The following ERICH1 variants were observed in gnomAD, a reference collection of about 807,000 sequenced individuals.
The protein encoded by ERICH1 is glutamate rich 1.
A neutral mutation model predicts 39.6 loss-of-function variants in ERICH1; 56 were observed. The ratio of observed to expected loss-of-function variants is 1.41; its 90% CI spans 1.14 to 1.77. The LOEUF (loss-of-function observed/expected upper bound fraction) is 1.77. ERICH1 is among the 40% of genes most tolerant of loss of function. ERICH1 has a pLI of 0.00. For synonymous variants in ERICH1, 313 were observed against 223.6 expected (o/e 1.40, Z -3.57); for missense variants, 826 against 575.4 (o/e 1.44, Z -4.45).
chr8:698,341 C>G (rs530389472), intron 2 of ERICH1, among the ~76,000 whole-genome samples: 1 of 151,932 alleles, frequency 6.6e-6, no homozygotes, highest in African/African-American at 2.4e-5. Flanking sequence ...TCCTCAGTCT[C>G]CCGAGTACCT....
chr8:688,387 G>A (rs1351697122), intron 3 of ERICH1, among the ~76,000 whole-genome samples: 1 of 74,000 alleles, frequency 1.4e-5, no homozygotes. Context: ...CCCTCCGCAG[G>A]CTCCAGAGGC....
chr8:650,319 T>C (rs1703913), intron 3 of ERICH1, among the ~76,000 whole-genome samples: 1,674 of 152,316 alleles, frequency 0.011, 27 homozygotes, highest in African/African-American at 0.036. Flanking sequence ...GTTCCAACTT[T>C]AGTGACACGG....
At chr8:617,704 G>C (rs1797011785) in intron 3 of ERICH1, among the ~76,000 whole-genome samples, 1 of 151,312 alleles carries the variant, frequency 6.6e-6, no homozygotes, top group Non-Finnish European at 1.5e-5. Context: ...TCAGTACTTG[G>C]TGCTTGGTCC....
chr8:678,407 A>G (rs1420678772), intron 3 of ERICH1, among the ~76,000 whole-genome samples: 1 of 152,258 alleles, frequency 6.6e-6, no homozygotes, highest in East Asian at 1.9e-4. Flanking sequence ...ATTCCTGAGA[A>G]AAGTACAATT....
At chr8:689,135 G>A (rs939193844) in intron 3 of ERICH1, among the ~76,000 whole-genome samples, 2 of 151,742 alleles carry the variant, frequency 1.3e-5, no homozygotes, top group African/African-American at 2.4e-5. Flanking sequence ...TTTTTGAGGC[G>A]AATTCTCGCT....
intron 1 of ERICH1, among the ~76,000 whole-genome samples, chr8:729,304 C>G (rs1348779770): frequency 4.6e-5 from 7 of 152,192 alleles, no homozygotes; most frequent in Non-Finnish European, 8.8e-5. Flanking sequence ...AGCGCCCAAC[C>G]CCCACCTGCA....
Position 664,289 on chromosome 8 carries a change from A to G in ERICH1, c.*314T>C. On this transcript the variant is annotated 3_prime_UTR_variant, in exon 6 of 6. Coordinates refer to ENST00000262109, the MANE Select transcript of ERICH1 (RefSeq NM_207332.3). ...GTGATTCAAAACTTCATAAAAATAT[A>G]TGAGCTTCAAACTATACATTTAACT... 7 of 1,028,366 alleles carry G rather than the reference A, an allele frequency of 6.8e-6. No individual in the cohort carries two copies. The highest frequency in any genetic ancestry group is 8.2e-6 in the Non-Finnish European group (7 of 858,538). 63.7% of individuals were successfully genotyped at this position (1,028,366 alleles called of 1,614,324 possible).
intron 2 of ERICH1, among the ~76,000 whole-genome samples, chr8:707,208 CTTTTTTTTT>C (rs71528615): frequency 7.3e-6 from 1 of 136,422 alleles, no homozygotes; most frequent in East Asian, 2.1e-4. Context: ...TTTTTTGTTT[CTTTTTTTTT>C]TTTTTTTTTA....
intron 2 of ERICH1, among the ~76,000 whole-genome samples, chr8:709,959 A>G (rs1298507388): frequency 6.6e-6 from 1 of 152,214 alleles, no homozygotes; most frequent in African/African-American, 2.4e-5. Context: ...TCGACCTTAA[A>G]AATACAATTT....
intron 3 of ERICH1, among the ~76,000 whole-genome samples, chr8:635,476 C>T (rs1044739724): frequency 2.0e-5 from 3 of 152,250 alleles, no homozygotes; most frequent in African/African-American, 4.8e-5. Context: ...CCTGCACCAA[C>T]GCCCCACCCA....
chr8:668,653 A>G lies in ERICH1; in HGVS notation c.1203T>C (p.Thr401=), dbSNP rs1209132226. 4 of 1,614,098 alleles carry G rather than the reference A, an allele frequency of 2.5e-6. No homozygotes were observed. In the African/African-American group the frequency reaches 4.0e-5, roughly 16 times the overall value. The change falls in exon 5 of 6, where the codon ACT becomes ACC. Residue 401 remains threonine, a synonymous_variant. Coordinates refer to ENST00000262109, the MANE Select transcript of ERICH1 (RefSeq NM_207332.3). ...TTTCCAGAGCATGCTTCAATCTCTC[A>G]GTATCTTGCAGGAGCAGCAGCGTTT... ...HMKTLLLLQD[T]ERLKHALEMF... is the part of the protein sequence containing the mutation.
At chr8:664,166 A>T, downstream of ERICH1, 2 of 846,750 alleles carry the variant, frequency 2.4e-6, no homozygotes, top group Non-Finnish European at 2.8e-6. Flanking sequence ...TTCACAAAGT[A>T]GAGAAGAGAA....
At chr8:651,383 G>A (rs1439875961) in intron 3 of ERICH1, among the ~76,000 whole-genome samples, 1 of 152,152 alleles carries the variant, frequency 6.6e-6, no homozygotes, top group East Asian at 1.9e-4. Context: ...ATCATCCCAG[G>A]GCTCCTTGGA....
At chr8:674,732 T>C (rs1804279359) in intron 3 of ERICH1, among the ~76,000 whole-genome samples, 1 of 152,226 alleles carries the variant, frequency 6.6e-6, no homozygotes, top group Non-Finnish European at 1.5e-5. Context: ...GTTACTTGTG[T>C]GTGAGAATAA....
At chr8:682,874 A>G (rs1327032919) in intron 3 of ERICH1, among the ~76,000 whole-genome samples, 1 of 152,244 alleles carries the variant, frequency 6.6e-6, no homozygotes, top group Non-Finnish European at 1.5e-5. Flanking sequence ...GCTAGGCTAC[A>G]AATTGCATCT....
At chr8:661,592 T>C (rs1037320873), downstream of ERICH1, among the ~76,000 whole-genome samples, 1 of 152,242 alleles carries the variant, frequency 6.6e-6, no homozygotes, top group Non-Finnish European at 1.5e-5. Flanking sequence ...TTTTGCACTA[T>C]TGTAGAAGAT....
chr8:652,710 G>A (rs1800129811), intron 3 of ERICH1, among the ~76,000 whole-genome samples: 1 of 152,180 alleles, frequency 6.6e-6, no homozygotes, highest in South Asian at 2.1e-4. Context: ...TACTTGGAGA[G>A]ACCAGGGGCA....
At chr8:710,136 C>A (rs1274229864) in intron 2 of ERICH1, among the ~76,000 whole-genome samples, 2 of 152,206 alleles carry the variant, frequency 1.3e-5, no homozygotes, top group East Asian at 3.8e-4. Context: ...CACGTTGCCA[C>A]CCCGGTCTGC....
At chr8:670,937 C>G (rs1164501368) in intron 4 of ERICH1, among the ~76,000 whole-genome samples, 2 of 150,404 alleles carry the variant, frequency 1.3e-5, no homozygotes, top group African/African-American at 4.9e-5. Flanking sequence ...CCCACCGGTC[C>G]CCCAGGCTCC....
Sources: allele counts gnomAD v4.1 joint callset (sites outside exome capture counted in the v4.1 genomes callset), GRCh38; gene constraint gnomAD v4.1.1; transcripts MANE v1.5; gene names NCBI Gene and HGNC (gene_info 2026-07-23, HGNC 2026-07-21).